The following SHISA9 variants were observed in gnomAD, a reference collection of about 807,000 sequenced individuals.
SHISA9 encodes protein shisa-9.
A neutral mutation model predicts 38.0 loss-of-function variants in SHISA9; 13 were observed. The ratio of observed to expected loss-of-function variants is 0.34; its 90% CI spans 0.22 to 0.54. The LOEUF (loss-of-function observed/expected upper bound fraction) is 0.54, where lower values mean the gene tolerates loss of function less well. SHISA9 is among the 20% of genes least tolerant of loss of function. The pLI, the probability that SHISA9 is intolerant of heterozygous loss-of-function variation, is 0.91. For synonymous variants in SHISA9, 275 were observed against 242.0 expected, an observed-to-expected ratio of 1.14 and a Z score of -1.27; for missense variants, 538 against 575.8, an observed-to-expected ratio of 0.93 and a Z score of 0.67.
intron 2 of SHISA9, among the ~76,000 whole-genome samples, chr16:13,106,642 C>G (rs1309786556): frequency 6.6e-6 from 1 of 152,074 alleles, no homozygotes; most frequent in African/African-American, 2.4e-5. Context: ...CCTGGCCAAT[C>G]AGAAGGCTGA....
At chr16:12,996,487 G>T (rs913481534) in intron 2 of SHISA9, among the ~76,000 whole-genome samples, 5 of 152,250 alleles carry the variant, frequency 3.3e-5, no homozygotes, top group Non-Finnish European at 7.3e-5. Flanking sequence ...TCCCAGGTCA[G>T]CTTGACTTGC....
chr16:12,934,334 A>G (rs556914625), intron 2 of SHISA9, among the ~76,000 whole-genome samples: 2 of 152,344 alleles, frequency 1.3e-5, no homozygotes, highest in African/African-American at 4.8e-5. Context: ...AATGCTTCCC[A>G]GTGGATGCTC....
the SHISA9 span, among the ~76,000 whole-genome samples, chr16:13,544,446 T>TC: frequency 2.3e-4 from 34 of 147,634 alleles, no homozygotes; most frequent in African/African-American, 7.5e-4. Flanking sequence ...TTTTTTTTTT[T>TC]TCCCCGCTGG....
the SHISA9 span, among the ~76,000 whole-genome samples, chr16:13,334,339 T>A: frequency 1.3e-5 from 2 of 152,206 alleles, no homozygotes; most frequent in African/African-American, 4.8e-5. Context: ...TGTGGCTGAC[T>A]ATGAGAAGAA....
intron 2 of SHISA9, among the ~76,000 whole-genome samples, chr16:13,126,853 GAA>G (rs1464842011): frequency 4.2e-5 from 4 of 94,466 alleles, no homozygotes; most frequent in East Asian, 3.5e-4. Context: ...CTGAGGGAAA[GAA>G]AGAGAGAGCT....
chr16:12,947,020 C>A (rs536960411), intron 2 of SHISA9, among the ~76,000 whole-genome samples: 1 of 152,328 alleles, frequency 6.6e-6, no homozygotes, highest in South Asian at 2.1e-4. Context: ...CATTCACTCT[C>A]TGGCCTTTTA....
intron 2 of SHISA9, among the ~76,000 whole-genome samples, chr16:12,954,559 T>C (rs1567351406): frequency 1.3e-5 from 2 of 152,190 alleles, no homozygotes; most frequent in African/African-American, 4.8e-5. Flanking sequence ...CTAGTAGAAA[T>C]AGAACTTTTT....
intron 4 of SHISA9, among the ~76,000 whole-genome samples, chr16:13,233,393 G>C (rs951567333): frequency 2.0e-5 from 3 of 152,192 alleles, no homozygotes; most frequent in African/African-American, 7.2e-5. Flanking sequence ...CTCTTTTGTA[G>C]AATAGTTGGC....
the SHISA9 span, among the ~76,000 whole-genome samples, chr16:13,354,610 G>A: frequency 1.4e-5 from 2 of 147,830 alleles, no homozygotes; most frequent in African/African-American, 4.9e-5. Context: ...AGCATAGTTT[G>A]TGATTTTGAG....
chr16:13,420,249 A>AAAC, the SHISA9 span, among the ~76,000 whole-genome samples: 13 of 142,342 alleles, frequency 9.1e-5, 1 homozygote, highest in Admixed American at 5.6e-4. Context: ...CTGTTTCAAA[A>AAAC]AAAAAAAAAA....
chr16:13,508,481 G>T, the SHISA9 span, among the ~76,000 whole-genome samples: 1 of 152,126 alleles, frequency 6.6e-6, no homozygotes. Flanking sequence ...AGGACAAAGA[G>T]TTTAAACATT....
At chr16:13,233,602 G>A (rs192361944) in intron 4 of SHISA9, among the ~76,000 whole-genome samples, 1,888 of 152,304 alleles carry the variant, frequency 0.012, 19 homozygotes, top group Non-Finnish European at 0.02. Context: ...AAGCAGCTAT[G>A]GATAATATAT....
At chr16:13,355,433 G>A in the SHISA9 span, among the ~76,000 whole-genome samples, 1,638 of 151,946 alleles carry the variant, frequency 0.011, 15 homozygotes, top group Middle Eastern at 0.034. Context: ...GATACAAGAG[G>A]AGGACGCAAA....
intron 2 of SHISA9, among the ~76,000 whole-genome samples, chr16:13,002,623 C>A (rs937179177): frequency 1.3e-4 from 19 of 150,874 alleles, no homozygotes; most frequent in Admixed American, 1.1e-3. Flanking sequence ...ACCTCCACCC[C>A]CTGGGCTCAA....
In SHISA9 at chr16:12,902,152, G is replaced by T. The variant is rs764314145; in HGVS notation, c.88G>T (p.Gly30Trp). The T allele has an allele frequency of 1.3e-6, 2 of 1,498,336 alleles. No individual in the cohort carries two copies. Among genetic ancestry groups the T allele is most frequent in the Non-Finnish European group, 1.8e-6 (2 of 1,126,218 alleles). 92.8% of individuals were successfully genotyped at this position (1,498,336 alleles called of 1,614,324 possible). A position where few individuals can be genotyped will look rare whatever the true frequency, so the allele number is the denominator to read the frequency against. The change falls in exon 1 of 5, where the codon GGG becomes TGG. Residue 30 changes from glycine (G) to tryptophan (W), a missense_variant. Transcript: ENST00000558583. Reference protein sequence around the residue: ...VCRAQERAGHGQLAQLGGVLL... With the variant: ...VCRAQERAGHWQLAQLGGVLL... Reference sequence around the variant, plus strand: ...CCGGGCGCAGGAGCGAGCGGGACACGGGCAGCTGGCGCAACTGGGCGGCGT... The same window carrying T: ...CCGGGCGCAGGAGCGAGCGGGACACTGGCAGCTGGCGCAACTGGGCGGCGT...
chr16:13,293,288 A>G, the SHISA9 span, among the ~76,000 whole-genome samples: 1 of 152,164 alleles, frequency 6.6e-6, no homozygotes, highest in Non-Finnish European at 1.5e-5. Context: ...TGAAAAAATG[A>G]GAAGACCACG....
chr16:13,069,629 T>G (rs184521763), intron 2 of SHISA9, among the ~76,000 whole-genome samples: 61 of 152,120 alleles, frequency 4.0e-4, no homozygotes, highest in African/African-American at 1.5e-3. Flanking sequence ...TGTGTGTGTC[T>G]GTGTACATAA....
At chr16:13,504,868 C>T in the SHISA9 span, among the ~76,000 whole-genome samples, 2 of 152,172 alleles carry the variant, frequency 1.3e-5, no homozygotes, top group Non-Finnish European at 1.5e-5. Flanking sequence ...CTCAAGATCA[C>T]GTTGATGAAA....
intron 2 of SHISA9, among the ~76,000 whole-genome samples, chr16:12,926,559 G>C (rs11075174): frequency 1.3e-5 from 2 of 152,198 alleles, no homozygotes; most frequent in Non-Finnish European, 2.9e-5. Context: ...TTATGTTACA[G>C]TGGGAGAAAT....
Sources: gnomAD v4.1 joint callset for allele counts (sites outside exome capture counted in the v4.1 genomes callset) on GRCh38, gnomAD v4.1.1 for gene constraint, MANE v1.5 for transcripts, NCBI Gene and HGNC (gene_info 2026-07-23, HGNC 2026-07-21) for gene names.